DMD: variants seen among roughly 807,000 people sequenced by gnomAD.
DMD encodes dystrophin, also known as mutant dystrophin.
In DMD, 63 loss-of-function variants were observed where a neutral mutation model predicts 330.1. That is an observed-to-expected ratio of 0.19 (90% CI 0.16 to 0.24). The LOEUF (loss-of-function observed/expected upper bound fraction) is 0.24. Ranked by LOEUF, DMD falls within the 10% of genes least tolerant of loss-of-function variation. The pLI is 1.00. For synonymous variants in DMD, 1,223 were observed against 959.8 expected (o/e 1.27, Z -5.07); for missense variants, 3,344 against 2,684.1 (o/e 1.25, Z -5.43).
intron 48 of DMD, among the ~76,000 whole-genome samples, chrX:31,862,424 C>T (rs759581552): frequency 9.0e-5 from 10 of 111,284 alleles, no homozygotes; most frequent in African/African-American, 3.3e-4. Flanking sequence ...AGCCATTGCG[C>T]CTGGCCTATT....
chrX:32,727,409 A>G (rs867653385), intron 7 of DMD, among the ~76,000 whole-genome samples: 58 of 111,135 alleles, frequency 5.2e-4, no homozygotes, highest in Middle Eastern at 9.3e-3. Flanking sequence ...AGAACTCTAA[A>G]TTCTGATTAA....
At chrX:32,743,489 C>T (rs1489106998) in intron 7 of DMD, among the ~76,000 whole-genome samples, 1 of 111,069 alleles carries the variant, frequency 9.0e-6, no homozygotes, top group Non-Finnish European at 1.9e-5. Context: ...ACATCGATAT[C>T]TGAGCCAAAA....
intron 74 of DMD, among the ~76,000 whole-genome samples, chrX:31,167,092 G>A (rs1337587615): frequency 8.9e-6 from 1 of 111,752 alleles, no homozygotes; most frequent in Non-Finnish European, 1.9e-5. Flanking sequence ...GGCACATTCT[G>A]GGGAATATGC....
At chrX:32,014,292 G>A (rs750406522) in intron 44 of DMD, among the ~76,000 whole-genome samples, 7 of 105,463 alleles carry the variant, frequency 6.6e-5, no homozygotes, top group Admixed American at 4.0e-4. Flanking sequence ...CTTCACACAG[G>A]CCTTTTTCCC....
intron 30 of DMD, among the ~76,000 whole-genome samples, chrX:32,403,625 T>C (rs2098099927): frequency 8.9e-6 from 1 of 111,757 alleles, no homozygotes; most frequent in Admixed American, 9.5e-5. Flanking sequence ...TCCCACACTA[T>C]TAAACATATG....
At chrX:32,144,953 G>A (rs1324319772) in intron 44 of DMD, among the ~76,000 whole-genome samples, 1 of 111,488 alleles carries the variant, frequency 9.0e-6, no homozygotes, top group Non-Finnish European at 1.9e-5. Flanking sequence ...AGAATCGCTT[G>A]AACCTGGGTG....
intron 13 of DMD, among the ~76,000 whole-genome samples, chrX:32,585,933 T>C: frequency 9.1e-6 from 1 of 109,583 alleles, no homozygotes; most frequent in East Asian, 2.9e-4. Flanking sequence ...CCTAACACCC[T>C]ATTGGCCAAA....
At chrX:32,484,789 G>T in intron 21 of DMD, 130 bp downstream of exon 21, 2 of 687,189 alleles carry the variant, frequency 2.9e-6, no homozygotes, top group Non-Finnish European at 4.4e-6. Flanking sequence ...TTCGTTCCTT[G>T]TTAATACAGG....
In DMD at chrX:31,816,854, C is replaced by T. The variant is rs753692253; in HGVS notation, c.7309+3121G>A. On this transcript the variant is annotated intron_variant, in intron 50 of 78. Transcript: ENST00000357033. ...AAAGAAAGAAAGAAAAGAAAAAACA[C>T]GGAAACTTGTATCACTTTTACTCCA... is the stretch of plus-strand genomic sequence containing the variant. Among the ~76,000 whole-genome samples, 5 of 102,830 alleles carry T rather than the reference C, an allele frequency of 4.9e-5. No homozygotes were observed. The East Asian group carries it at 1.2e-3, about 25-fold the overall frequency. 89.3% of individuals were successfully genotyped at this position (102,830 alleles called of 115,157 possible).
At chrX:32,257,618 A>G (rs754348109) in intron 43 of DMD, among the ~76,000 whole-genome samples, 1 of 111,952 alleles carries the variant, frequency 8.9e-6, no homozygotes, top group South Asian at 3.7e-4. Context: ...AGTCATATGC[A>G]GAAAACGGAA....
intron 9 of DMD, among the ~76,000 whole-genome samples, chrX:32,679,253 T>C (rs1010308834): frequency 1.8e-4 from 20 of 110,647 alleles, no homozygotes; most frequent in African/African-American, 5.3e-4. Flanking sequence ...GGGAAGTTAA[T>C]AGAAGGAAAG....
intron 55 of DMD, among the ~76,000 whole-genome samples, chrX:31,592,384 A>C (rs1414214909): frequency 1.1e-5 from 1 of 93,851 alleles, no homozygotes; most frequent in Non-Finnish European, 2.0e-5. Context: ...TATATTCTAT[A>C]TATATATATA....
chrX:32,422,060 C>T lies in DMD; in HGVS notation c.4072-10147G>A, dbSNP rs199813598. ...CTGTGAAGGAAAACCACTTTTTCCT[C>T]TGCTTGGTTTAGTTGTTGAGGAATT... On this transcript the variant is annotated intron_variant, in intron 29 of 78. Coordinates refer to ENST00000357033, the MANE Select transcript of DMD (RefSeq NM_004006.3). Among the ~76,000 whole-genome samples the T allele has an allele frequency of 1.3e-4, 14 of 111,243 alleles. No individual in the cohort carries two copies. The East Asian group carries it at 2.8e-3, about 23-fold the overall frequency.
chrX:31,343,582 AGTGTGTGT>A (rs56312485), intron 61 of DMD, among the ~76,000 whole-genome samples: 9 of 87,642 alleles, frequency 1.0e-4, no homozygotes, highest in South Asian at 6.6e-4. Flanking sequence ...TCCAAAGGGG[AGTGTGTGT>A]GTGTGTGTGT....
chrX:32,294,866 T>G (rs768128156), intron 42 of DMD, among the ~76,000 whole-genome samples: 2 of 111,802 alleles, frequency 1.8e-5, no homozygotes, highest in East Asian at 5.6e-4. Context: ...GATAGTATTT[T>G]ACTATTTTAG....
chrX:32,662,232 T>A (rs2060993947), intron 9 of DMD, among the ~76,000 whole-genome samples: 2 of 111,479 alleles, frequency 1.8e-5, no homozygotes, highest in Non-Finnish European at 3.8e-5. Flanking sequence ...GGTCATCAAA[T>A]TATTGCCACG....
chrX:33,089,212 C>T (rs1194556782), intron 1 of DMD, among the ~76,000 whole-genome samples: 1 of 109,046 alleles, frequency 9.2e-6, no homozygotes, highest in Non-Finnish European at 1.9e-5. Flanking sequence ...ACTACAGGCA[C>T]GCACCACCAC....
chrX:32,368,973 A>G (rs2097863343), intron 34 of DMD, among the ~76,000 whole-genome samples: 1 of 111,561 alleles, frequency 9.0e-6, no homozygotes, highest in Non-Finnish European at 1.9e-5. Flanking sequence ...ACTCAGTTTT[A>G]ACTTGACCTA....
At chrX:33,136,447 A>G (rs941941167) in intron 1 of DMD, among the ~76,000 whole-genome samples, 2 of 106,389 alleles carry the variant, frequency 1.9e-5, no homozygotes, top group African/African-American at 6.9e-5. Flanking sequence ...CCTGTAAAAT[A>G]GTAGACATTG....
Sources: allele counts gnomAD v4.1 joint callset (sites outside exome capture counted in the v4.1 genomes callset), GRCh38; gene constraint gnomAD v4.1.1; transcripts MANE v1.5; gene names NCBI Gene and HGNC (gene_info 2026-07-23, HGNC 2026-07-21).